Variants in TMEM237 observed in about 807,000 individuals in gnomAD.
TMEM237 encodes amyotrophic lateral sclerosis 2 (juvenile) chromosome region, candidate 4.
Under a neutral mutation model 59.1 loss-of-function variants are expected in TMEM237, and 51 were observed. The observed-to-expected ratio is 0.86, with a 90% CI of 0.69 to 1.09. The LOEUF (loss-of-function observed/expected upper bound fraction) is 1.09. TMEM237 is among the 50% of genes least tolerant of loss of function. The probability of loss-of-function intolerance (pLI) is 0.00; values close to 1 mark genes in which losing one functional copy is unlikely to be tolerated. For synonymous variants in TMEM237, 140 were observed against 166.1 expected (o/e 0.84, Z 1.21); for missense variants, 475 against 478.3 (o/e 0.99, Z 0.06).
chr2:201,633,552 A>G, intron 5 of TMEM237, 121 bp from the exon 6 acceptor site: 1 of 730,408 alleles, frequency 1.4e-6, no homozygotes, highest in Non-Finnish European at 1.9e-6. Context: ...TGTTTTCACT[A>G]TCTTACAAAT....
At position 201,629,346 on chromosome 2, in the gene TMEM237, T is replaced by C; in HGVS notation, c.753A>G (p.Ala251=). ...VWNIVVIYVL[A]GDQLSNLSNL... ...TTGAGAGGTTGGATAGCTGATCTCC[T>C]GCTAGAACATATATCACAACAATAT... Residue 251 remains alanine (A), a synonymous_variant, in exon 9 of 13, where the codon GCA becomes GCG. Transcript: ENST00000409883. 2 of 1,610,462 alleles carry C rather than the reference T, an allele frequency of 1.2e-6. No individual in the cohort carries two copies. Among genetic ancestry groups the C allele is most frequent in the South Asian group, 2.2e-5 (2 of 90,092 alleles).
chr2:201,626,395 A>C, intron 11 of TMEM237: 1 of 293,670 alleles, frequency 3.4e-6, no homozygotes, highest in Non-Finnish European at 6.3e-6. Context: ...TAGTATTCCC[A>C]AGAAAATTCT....
Position 201,621,172 on chromosome 2 carries a change from T to C in TMEM237, c.*3083A>G, listed in dbSNP as rs754950149. The C allele has an allele frequency of 5.3e-5, 8 of 152,168 alleles. No homozygotes were observed. The highest frequency in any genetic ancestry group is 8.8e-5 in the Non-Finnish European group (6 of 68,018). 9.4% of individuals were successfully genotyped at this position (152,168 alleles called of 1,614,324 possible). The stretch of plus-strand genomic sequence containing the variant: ...ACCACCAGACCTAACCTCCAGTCTA[T>C]AGGAAATTCAGGAGATTGAGGAACA... On this transcript the variant is annotated 3_prime_UTR_variant, in exon 13 of 13. Coordinates refer to ENST00000409883, the MANE Select transcript of TMEM237 (RefSeq NM_001044385.3).
Position 201,632,161 on chromosome 2 carries a change from TCTA to T in TMEM237, c.440_442del (p.Val147del). 6.2e-7 allele frequency: 1 copy of T among 1,613,936 alleles called. No homozygotes were observed. The highest frequency in any genetic ancestry group is 1.1e-5 in the South Asian group (1 of 91,074). On this transcript the variant is annotated inframe_deletion, in exon 7 of 13. Transcript: ENST00000409883. ...CTCATCAGTGATTATGTCTTCATCT[TCTA>T]CTCCTAGCTCATTGGCATACTGTAA...
In TMEM237 at chr2:201,622,636, C is replaced by T. The variant is rs903576453; in HGVS notation, c.*1619G>A. On this transcript the variant is annotated 3_prime_UTR_variant, in exon 13 of 13. Transcript: ENST00000409883. ...CAGACATAAAAGGCTTTCTTCTCTG[C>T]TTTTAAGGACTCATAAGATTACACT... 2 of 152,420 alleles carry T rather than the reference C, an allele frequency of 1.3e-5. No individual in the cohort carries two copies. The highest frequency in any genetic ancestry group is 4.1e-4 in the South Asian group (2 of 4,826). 9.4% of individuals were successfully genotyped at this position (152,420 alleles called of 1,614,324 possible). A position where few individuals can be genotyped will look rare whatever the true frequency, so the allele number is the denominator to read the frequency against.
rs1186759617 is a variant in TMEM237, at chr2:201,640,926, T to C, written c.43-2A>G. 2 of 1,603,522 alleles carry C rather than the reference T, an allele frequency of 1.2e-6. No homozygotes were observed. Among genetic ancestry groups the C allele is most frequent in the Admixed American group, 1.7e-5 (1 of 59,802 alleles). ...AGGTGGAAGAGCTCGTGGAGGACGCTGTGGCGGAAAAAATAAATTTGCTTG... is the reference window on the plus strand; with the variant it reads ...AGGTGGAAGAGCTCGTGGAGGACGCCGTGGCGGAAAAAATAAATTTGCTTG... On this transcript the variant is annotated splice_acceptor_variant, in intron 1 of 12. Coordinates refer to ENST00000409883, the MANE Select transcript of TMEM237 (RefSeq NM_001044385.3). LOFTEE classifies it high-confidence loss of function.
At chr2:201,629,121 A>C in intron 9 of TMEM237, 109 bp downstream of exon 9, 2 of 844,660 alleles carry the variant, frequency 2.4e-6, no homozygotes, top group Non-Finnish European at 3.3e-6. Context: ...TTTTTGAAGT[A>C]ACATTGATAC....
rs1338402400 is a variant in TMEM237 at position 201,621,782 on chromosome 2, C to T, written c.*2473G>A. 6.6e-6 allele frequency: 1 copy of T among 152,540 alleles called. No homozygotes were observed. The highest frequency in any genetic ancestry group is 2.4e-5 in the African/African-American group (1 of 41,390). The allele number at this position is 152,540 out of a possible 1,614,324, so 9.4% of individuals were successfully genotyped here. On this transcript the variant is annotated 3_prime_UTR_variant, in exon 13 of 13. Coordinates refer to ENST00000409883, the MANE Select transcript of TMEM237 (RefSeq NM_001044385.3). Reference sequence around the variant, plus strand: ...AGTGAGTAATGAGAAACCATGATGCCCTACCAATTGGACTGGATCAGCTTG... The same window carrying T: ...AGTGAGTAATGAGAAACCATGATGCTCTACCAATTGGACTGGATCAGCTTG...
rs73989519 is a variant in TMEM237 at position 201,624,492 on chromosome 2, A to G, written c.1160-170T>C. Among the ~76,000 whole-genome samples the G allele has an allele frequency of 0.071, 10,773 of 152,312 alleles. 555 individuals carry two copies. The highest frequency in any genetic ancestry group is 0.14 in the African/African-American group (5,613 of 41,562). ...GAAATATGATTTAAAAGGTAAGCTG[A>G]TAACAAATGTACAAGTTTTACATTT... On this transcript the variant is annotated intron_variant, in intron 12 of 12. Transcript: ENST00000409883.
In TMEM237 at chr2:201,628,162, A is replaced by C; in HGVS notation, c.870-13T>G. The C allele has an allele frequency of 7.0e-7, 1 of 1,429,116 alleles. No homozygotes were observed. The highest frequency in any genetic ancestry group is 9.6e-7 in the Non-Finnish European group (1 of 1,042,556). The allele number at this position is 1,429,116 out of a possible 1,614,324, so 88.5% of individuals were successfully genotyped here. ...AGCAAAGTCAATCCTAGAAAATATA[A>C]AAGTTTCTTGTCACAGCGCAGTTGT... On this transcript the variant is annotated splice_polypyrimidine_tract_variant and intron_variant, in intron 9 of 12. Coordinates refer to ENST00000409883, the MANE Select transcript of TMEM237 (RefSeq NM_001044385.3).
At chr2:201,642,929 G>C (rs1687460148) in intron 1 of TMEM237, 3 of 1,328,762 alleles carry the variant, frequency 2.3e-6, no homozygotes, top group Non-Finnish European at 2.9e-6. Flanking sequence ...TGGTGGCGGT[G>C]ATTTGTTTGC....
In TMEM237 at chr2:201,626,044, C is replaced by T. The variant is rs200863054; in HGVS notation, c.1141G>A (p.Gly381Ser). 6.9e-6 allele frequency: 11 copies of T among 1,591,616 alleles called. 1 individual carries two copies. In the Admixed American group the frequency reaches 1.9e-4, roughly 28 times the overall value. ...LSWLFLSYRP[G>S]MDLSEELMFS... The stretch of plus-strand genomic sequence containing the variant: ...TTAATACCTTCACTAAGATCCATGC[C>T]TGGCCTATAAGACAAAAATAGCCAA... Residue 381 changes from glycine (G) to serine (S), a missense_variant, in exon 12 of 13, where the codon GGC becomes AGC. Gly to Ser is a moderately conservative substitution (Grantham distance 56). Coordinates refer to ENST00000409883, the MANE Select transcript of TMEM237 (RefSeq NM_001044385.3).
chr2:201,626,288 C>T (rs978122378), intron 11 of TMEM237, 141 bp from the exon 12 acceptor site: 1 of 925,400 alleles, frequency 1.1e-6, no homozygotes, highest in African/African-American at 1.7e-5. Flanking sequence ...AATATAATTT[C>T]CCTGTAAAAT....
chr2:201,641,685 T>C (rs1356048500), intron 1 of TMEM237, among the ~76,000 whole-genome samples: 2 of 150,236 alleles, frequency 1.3e-5, no homozygotes, highest in Non-Finnish European at 3.0e-5. Flanking sequence ...TTAAGACATA[T>C]CTTGTATACA....
chr2:201,642,741 G>A (rs1389092844), intron 1 of TMEM237: 5 of 1,488,440 alleles, frequency 3.4e-6, no homozygotes, highest in Admixed American at 2.6e-5. Flanking sequence ...CGCCTGGCTA[G>A]TACCCCGCGC....
intron 11 of TMEM237, 185 bp from the exon 12 acceptor site, chr2:201,626,332 G>A (rs923985649): frequency 2.7e-5 from 16 of 592,050 alleles, no homozygotes; most frequent in Non-Finnish European, 4.2e-5. Flanking sequence ...AGGGTTCAAA[G>A]GTTATTTAAA....
In TMEM237 at chr2:201,622,165, A is replaced by G. The variant is rs1291898381; in HGVS notation, c.*2090T>C. On this transcript the variant is annotated 3_prime_UTR_variant, in exon 13 of 13. Transcript: ENST00000409883. The stretch of plus-strand genomic sequence containing the variant: ...CCAGACCTGGAAGAATACAAAGGCA[A>G]CTATGCCCATGGCAGTTACATATTA... 1 of 152,242 alleles carries G rather than the reference A, an allele frequency of 6.6e-6. No homozygotes were observed. Among genetic ancestry groups the G allele is most frequent in the East Asian group, 1.9e-4 (1 of 5,198 alleles). The allele number at this position is 152,242 out of a possible 1,614,324, so 9.4% of individuals were successfully genotyped here. A position where few individuals can be genotyped will look rare whatever the true frequency, so the allele number is the denominator to read the frequency against.
Position 201,621,709 on chromosome 2 carries a change from T to C in TMEM237, c.*2546A>G, listed in dbSNP as rs1201151668. The C allele has an allele frequency of 6.6e-6, 1 of 152,652 alleles. No homozygotes were observed. The highest frequency in any genetic ancestry group is 2.4e-5 in the African/African-American group (1 of 41,462). The allele number at this position is 152,652 out of a possible 1,614,324, so 9.5% of individuals were successfully genotyped here. A position where few individuals can be genotyped will look rare whatever the true frequency, so the allele number is the denominator to read the frequency against. On this transcript the variant is annotated 3_prime_UTR_variant, in exon 13 of 13. Transcript: ENST00000409883. The stretch of plus-strand genomic sequence containing the variant: ...ATCAGCAAGGTGCCCCTGTGTTATC[T>C]ACCCAGTGCAGTGCTTCACCAGGAT...
intron 3 of TMEM237, 133 bp downstream of exon 3, chr2:201,640,128 G>T (rs74406491): frequency 1.5e-6 from 1 of 686,124 alleles, no homozygotes; most frequent in Non-Finnish European, 2.2e-6. Context: ...TGGTAGTCAT[G>T]GGAGATTATT....
Sources: allele counts gnomAD v4.1 joint callset (sites outside exome capture counted in the v4.1 genomes callset), GRCh38; gene constraint gnomAD v4.1.1; transcripts MANE v1.5; gene names NCBI Gene and HGNC (gene_info 2026-07-23, HGNC 2026-07-21).